The following HMGA2 variants were observed in gnomAD, a reference collection of about 807,000 sequenced individuals.
HMGA2 encodes the protein high mobility group protein HMGI-C.
In HMGA2, 8 loss-of-function variants were observed where a neutral mutation model predicts 19.1. The observed-to-expected ratio is 0.42, with a 90% CI of 0.25 to 0.76. HMGA2 has a LOEUF of 0.76. Among genes scored for constraint, HMGA2 ranks in the 30% least tolerant of loss-of-function variants. The pLI is 0.28. For synonymous variants in HMGA2, 60 were observed against 48.8 expected (o/e 1.23, Z -0.96); for missense variants, 109 against 136.3 (o/e 0.80, Z 1.00).
rs990142323 is a variant in HMGA2 at position 65,933,349 on chromosome 12, A to G, written c.250-18034A>G. ...AAGTTTGTTTTTTATTATTGTACTA[A>G]AAATTACATATACCTGACCAGACAC... On this transcript the variant is annotated intron_variant, in intron 3 of 4. Transcript: ENST00000403681. Among the ~76,000 whole-genome samples the G allele has an allele frequency of 2.6e-5, 4 of 152,306 alleles. No individual in the cohort carries two copies. In the South Asian group the frequency reaches 8.3e-4, roughly 32 times the overall value.
At chr12:65,963,113 G>A (rs1876799601) in intron 4 of HMGA2, 132 bp from the exon 5 acceptor site, 1 of 784,034 alleles carries the variant, frequency 1.3e-6, no homozygotes, top group Non-Finnish European at 2.1e-6. Flanking sequence ...ATGAGGGCTC[G>A]CCAGTCATCG....
At chr12:65,938,673 G>C (rs965058288) in intron 3 of HMGA2, among the ~76,000 whole-genome samples, 1 of 151,868 alleles carries the variant, frequency 6.6e-6, no homozygotes, top group Non-Finnish European at 1.5e-5. Context: ...TTTAGAGACA[G>C]GGTCTCACTT....
intron 4 of HMGA2, 67 bp downstream of exon 4, chr12:65,951,482 T>G: frequency 1.0e-6 from 1 of 986,466 alleles, no homozygotes; most frequent in Non-Finnish European, 1.6e-6. Context: ...CTGAAAAATG[T>G]CCCCAAACTA....
At chr12:65,844,719 C>T (rs1265352425) in intron 3 of HMGA2, among the ~76,000 whole-genome samples, 1 of 152,236 alleles carries the variant, frequency 6.6e-6, no homozygotes, top group African/African-American at 2.4e-5. Flanking sequence ...TGGCCAACCT[C>T]TACCAGACCC....
intron 3 of HMGA2, among the ~76,000 whole-genome samples, chr12:65,883,887 C>T (rs563081033): frequency 2.1e-4 from 32 of 152,302 alleles, no homozygotes; most frequent in Admixed American, 3.3e-4. Flanking sequence ...TAGTTTGAGA[C>T]GCAGTCTCAC....
At chr12:65,844,561 A>G (rs1252227906) in intron 3 of HMGA2, among the ~76,000 whole-genome samples, 1 of 152,242 alleles carries the variant, frequency 6.6e-6, no homozygotes, top group Non-Finnish European at 1.5e-5. Flanking sequence ...ATTGAATTTG[A>G]TCATTCATGT....
At chr12:65,868,188 A>G (rs1052767586) in intron 3 of HMGA2, among the ~76,000 whole-genome samples, 1 of 152,216 alleles carries the variant, frequency 6.6e-6, no homozygotes, top group Non-Finnish European at 1.5e-5. Context: ...TTGTGACAGT[A>G]ACATCTCAAG....
chr12:65,895,402 T>C (rs1272094803), intron 3 of HMGA2, among the ~76,000 whole-genome samples: 1 of 152,172 alleles, frequency 6.6e-6, no homozygotes, highest in Non-Finnish European at 1.5e-5. Context: ...GCCTTCCTTA[T>C]GATTACCTGA....
chr12:65,946,673 C>G (rs989518987), intron 3 of HMGA2, among the ~76,000 whole-genome samples: 1 of 152,168 alleles, frequency 6.6e-6, no homozygotes, highest in Non-Finnish European at 1.5e-5. Context: ...AATACCTAGA[C>G]TTCCTGGAAC....
chr12:65,939,653 G>T (rs146764370), intron 3 of HMGA2, among the ~76,000 whole-genome samples: 85 of 152,250 alleles, frequency 5.6e-4, no homozygotes, highest in African/African-American at 2.0e-3. Flanking sequence ...ACCACGCCCG[G>T]CCACATACAA....
intron 3 of HMGA2, among the ~76,000 whole-genome samples, chr12:65,924,315 T>C (rs1324944650): frequency 1.3e-5 from 2 of 152,134 alleles, no homozygotes; most frequent in African/African-American, 2.4e-5. Context: ...AGTCCCAACT[T>C]CTCAAATATG....
intron 3 of HMGA2, among the ~76,000 whole-genome samples, chr12:65,951,177 C>T (rs760154283): frequency 6.6e-5 from 10 of 152,276 alleles, no homozygotes; most frequent in Middle Eastern, 6.8e-3. Context: ...CATCCGTCCG[C>T]CTCTGCCTCC....
chr12:65,849,734 G>GTT (rs1309933646), intron 3 of HMGA2, among the ~76,000 whole-genome samples: 1 of 102,032 alleles, frequency 9.8e-6, no homozygotes, highest in Non-Finnish European at 1.7e-5. Flanking sequence ...GGTAGGCTCT[G>GTT]TATTTTTTTT....
At chr12:65,926,428 C>T (rs764646467) in intron 3 of HMGA2, among the ~76,000 whole-genome samples, 2 of 152,138 alleles carry the variant, frequency 1.3e-5, no homozygotes, top group African/African-American at 4.8e-5. Context: ...ATTAATGCCT[C>T]GGAGGTGGGG....
chr12:65,872,101 G>T (rs1227174679), intron 3 of HMGA2, among the ~76,000 whole-genome samples: 1 of 152,116 alleles, frequency 6.6e-6, no homozygotes, highest in Non-Finnish European at 1.5e-5. Context: ...ATCCAGTCCG[G>T]AGCCTAGTGT....
chr12:65,896,173 T>A (rs1208960774), intron 3 of HMGA2, among the ~76,000 whole-genome samples: 1 of 152,222 alleles, frequency 6.6e-6, no homozygotes, highest in Admixed American at 6.5e-5. Context: ...AGGAGGTCTT[T>A]GAAAACCATT....
At chr12:65,886,363 CTT>C (rs766865222) in intron 3 of HMGA2, among the ~76,000 whole-genome samples, 22 of 138,142 alleles carry the variant, frequency 1.6e-4, no homozygotes, top group Admixed American at 5.1e-4. Context: ...CTTTTTCTCT[CTT>C]TTTTTTTTTT....
chr12:65,957,418 T>C (rs1047637818), intron 4 of HMGA2: 8 of 152,110 alleles, frequency 5.3e-5, no homozygotes, highest in African/African-American at 1.9e-4. Flanking sequence ...GGCAGAAGTA[T>C]TCCTTGAGCC....
intron 3 of HMGA2, among the ~76,000 whole-genome samples, chr12:65,946,262 A>G (rs565044831): frequency 6.6e-6 from 1 of 152,328 alleles, no homozygotes; most frequent in East Asian, 1.9e-4. Context: ...TATTGGTTGA[A>G]CAATGGTCAT....
Sources: gnomAD v4.1 joint callset for allele counts (sites outside exome capture counted in the v4.1 genomes callset) on GRCh38, gnomAD v4.1.1 for gene constraint, MANE v1.5 for transcripts, NCBI Gene and HGNC (gene_info 2026-07-23, HGNC 2026-07-21) for gene names.